UNC13B: variants seen among roughly 807,000 people sequenced by gnomAD.
UNC13B encodes the protein protein unc-13 homolog B.
Under a neutral mutation model 211.0 loss-of-function variants are expected in UNC13B, and 144 were observed. The observed-to-expected ratio is 0.68, with a 90% confidence interval of 0.60 to 0.78. UNC13B has a LOEUF of 0.78. Among genes scored for constraint, UNC13B ranks in the 30% least tolerant of loss-of-function variants. UNC13B has a pLI of 0.00. For missense variants in UNC13B, 1,777 were observed against 2,002.0 expected (o/e 0.89, Z 2.14); for synonymous variants, 709 against 725.8 (o/e 0.98, Z 0.37).
intron 27 of UNC13B, 57 bp from the exon 28 acceptor site, chr9:35,396,784 G>C: frequency 6.2e-7 from 1 of 1,609,266 alleles, no homozygotes; most frequent in Non-Finnish European, 8.5e-7. Context: ...GAGCTGTCAG[G>C]AAGTGGCGTA....
intron 7 of UNC13B, among the ~76,000 whole-genome samples, chr9:35,275,307 T>C (rs1012602102): frequency 6.6e-6 from 1 of 152,214 alleles, no homozygotes; most frequent in South Asian, 2.1e-4. Context: ...TTCAGAAATA[T>C]GTGCTTTTCT....
At chr9:35,386,107 G>A in intron 23 of UNC13B, 58 bp from the exon 24 acceptor site, 1 of 1,609,620 alleles carries the variant, frequency 6.2e-7, no homozygotes, top group Non-Finnish European at 8.5e-7. Context: ...AGTGCTAGGA[G>A]AATATCCCAC....
intron 11 of UNC13B, among the ~76,000 whole-genome samples, chr9:35,365,117 C>T (rs565362254): frequency 1.3e-5 from 2 of 152,338 alleles, no homozygotes; most frequent in African/African-American, 2.4e-5. Flanking sequence ...AGCCCTGTTA[C>T]GTGGTTTCCC....
intron 11 of UNC13B, among the ~76,000 whole-genome samples, chr9:35,358,394 C>T (rs1833170800): frequency 6.6e-6 from 1 of 152,166 alleles, no homozygotes; most frequent in South Asian, 2.1e-4. Context: ...ATGGTGGCTG[C>T]ACCGTTTTAC....
intron 1 of UNC13B, among the ~76,000 whole-genome samples, chr9:35,212,029 A>G (rs1203186876): frequency 2.0e-5 from 3 of 152,196 alleles, no homozygotes; most frequent in African/African-American, 7.2e-5. Context: ...TATAATGGAA[A>G]TAAATTAAGA....
chr9:35,341,925 G>T, intron 11 of UNC13B: 1 of 985,640 alleles, frequency 1.0e-6, no homozygotes, highest in Non-Finnish European at 1.2e-6. Context: ...GATTGAGTTA[G>T]AATTCCACAT....
chr9:35,343,196 C>A (rs1832122452), intron 11 of UNC13B, among the ~76,000 whole-genome samples: 1 of 152,216 alleles, frequency 6.6e-6, no homozygotes, highest in African/African-American at 2.4e-5. Context: ...TCTATGAAAT[C>A]AGTATAATCA....
In UNC13B at chr9:35,300,774, A is replaced by T; in HGVS notation, c.1370A>T (p.Asp457Val). The T allele has an allele frequency of 2.5e-6, 1 of 398,954 alleles. No homozygotes were observed. Among genetic ancestry groups the T allele is most frequent in the Non-Finnish European group, 4.4e-6 (1 of 226,060 alleles). The allele number at this position is 398,954 out of a possible 1,614,324, so 24.7% of individuals were successfully genotyped here. Residue 457 changes from aspartate to valine, a missense_variant, in exon 9 of 40, where the codon GAT becomes GTT. By Grantham distance (152) the Asp-to-Val change is radical. Transcript: ENST00000635942. Reference protein sequence around the residue: ...SIEEPKEDRIDTMDELQCLVE... With the variant: ...SIEEPKEDRIVTMDELQCLVE... ...GAGGAGCCCAAGGAGGACCGTATTG[A>T]TACAATGGATGAGCTTCAGTGTTTG... is the stretch of plus-strand genomic sequence containing the variant.
intron 1 of UNC13B, among the ~76,000 whole-genome samples, chr9:35,205,651 T>C (rs565096149): frequency 1.2e-3 from 185 of 152,382 alleles, no homozygotes; most frequent in Middle Eastern, 3.4e-3. Flanking sequence ...TAATATAATA[T>C]GTAGTCTTTT....
chr9:35,399,820 C>A, intron 36 of UNC13B, 91 bp downstream of exon 36: 1 of 1,229,802 alleles, frequency 8.1e-7, no homozygotes, highest in Non-Finnish European at 1.2e-6. Flanking sequence ...CCCTCCAATT[C>A]TTAACACTCC....
chr9:35,235,721 C>T (rs1825462379), intron 3 of UNC13B, among the ~76,000 whole-genome samples: 1 of 152,228 alleles, frequency 6.6e-6, no homozygotes, highest in Non-Finnish European at 1.5e-5. Flanking sequence ...GCTTGAGCCA[C>T]CATGCCCAGC....
At chr9:35,255,508 A>T (rs1394735280) in intron 6 of UNC13B, among the ~76,000 whole-genome samples, 2 of 152,154 alleles carry the variant, frequency 1.3e-5, no homozygotes, top group African/African-American at 4.8e-5. Flanking sequence ...CTCCTGGAGC[A>T]TTCGGGCATC....
chr9:35,189,301 A>G (rs1445133264), intron 1 of UNC13B, among the ~76,000 whole-genome samples: 2 of 152,198 alleles, frequency 1.3e-5, no homozygotes, highest in Non-Finnish European at 2.9e-5. Context: ...GTTTTTAATT[A>G]TGTACCAGGT....
intron 14 of UNC13B, among the ~76,000 whole-genome samples, chr9:35,375,788 C>T (rs17849230): frequency 0.055 from 8,389 of 152,204 alleles, 762 homozygotes; most frequent in African/African-American, 0.19. Context: ...CGAGACAAGC[C>T]TGACCAACAT....
At chr9:35,286,974 G>C (rs1564114101) in intron 7 of UNC13B, among the ~76,000 whole-genome samples, 1 of 151,934 alleles carries the variant, frequency 6.6e-6, no homozygotes, top group African/African-American at 2.4e-5. Context: ...GTTGAATTCT[G>C]TGAGTTGTCC....
chr9:35,397,425 C>T (rs550653377), intron 29 of UNC13B, 115 bp downstream of exon 29: 2 of 1,492,684 alleles, frequency 1.3e-6, no homozygotes, highest in African/African-American at 2.8e-5. Context: ...TCGTGTGACC[C>T]CCATTCTCCT....
intron 7 of UNC13B, among the ~76,000 whole-genome samples, chr9:35,263,879 A>C (rs1300117995): frequency 6.6e-6 from 1 of 152,150 alleles, no homozygotes; most frequent in African/African-American, 2.4e-5. Context: ...CCTCACCAGG[A>C]ATTGAATCAG....
At chr9:35,389,711 C>G in intron 24 of UNC13B, 135 bp from the exon 25 acceptor site, 3 of 886,724 alleles carry the variant, frequency 3.4e-6, no homozygotes, top group East Asian at 2.6e-5. Context: ...GGAAGACAGG[C>G]TCTAGGAGAG....
At chr9:35,397,363 C>G in intron 29 of UNC13B, 53 bp downstream of exon 29, 3 of 1,602,300 alleles carry the variant, frequency 1.9e-6, no homozygotes, top group Non-Finnish European at 2.6e-6. Flanking sequence ...CACTCACAGT[C>G]TCATCACAGG....
Sources: gnomAD v4.1 joint callset for allele counts (sites outside exome capture counted in the v4.1 genomes callset) on GRCh38, gnomAD v4.1.1 for gene constraint, MANE v1.5 for transcripts, NCBI Gene and HGNC (gene_info 2026-07-23, HGNC 2026-07-21) for gene names.